The following SATB2 variants were observed in gnomAD, a reference collection of about 807,000 sequenced individuals.
The protein encoded by SATB2 is SATB homeobox 2, also known as DNA-binding protein SATB2.
A neutral mutation model predicts 73.4 loss-of-function variants in SATB2; 1 was observed. The observed-to-expected ratio is 0.01, with a 90% CI of 0.00 to 0.06. The LOEUF is 0.06. Ranked by LOEUF, SATB2 falls within the 10% of genes least tolerant of loss-of-function variation. SATB2 has a pLI of 1.00. For synonymous variants in SATB2, 397 were observed against 367.0 expected, an observed-to-expected ratio of 1.08 and a Z score of -0.93; for missense variants, 459 against 945.8, an observed-to-expected ratio of 0.49 and a Z score of 6.75.
chr2:199,401,890 T>C (rs1690490909), intron 3 of SATB2, among the ~76,000 whole-genome samples: 1 of 152,162 alleles, frequency 6.6e-6, no homozygotes, highest in Non-Finnish European at 1.5e-5. Context: ...TTTAGGCAGA[T>C]AAATGGCATT....
rs1687504472 is a variant in SATB2 at position 199,308,596 on chromosome 2, A to AC, written c.1740+163dup. Among the ~76,000 whole-genome samples the AC allele has an allele frequency of 6.6e-6, 1 of 152,006 alleles. No individual in the cohort carries two copies. The highest frequency in any genetic ancestry group is 1.5e-5 in the Non-Finnish European group (1 of 68,000). ...CATGCACACACACACACATACACATACACACAGTACCCACTGTGACGACAG... is the reference window on the plus strand; with the variant it reads ...CATGCACACACACACACATACACATACCACACAGTACCCACTGTGACGACAG... On this transcript the variant is annotated intron_variant, in intron 10 of 10. Transcript: ENST00000417098. The surrounding 1 kb of genome is among the most constrained non-coding windows in gnomAD (Gnocchi z 4.6).
chr2:199,319,962 T>C (rs927954599), intron 9 of SATB2, among the ~76,000 whole-genome samples: 4 of 152,074 alleles, frequency 2.6e-5, no homozygotes, highest in African/African-American at 4.8e-5. Context: ...CCGCAGAAGA[T>C]GTGCCCACAG....
upstream of SATB2, chr2:199,460,647 ATT>A (rs1692455183): frequency 6.6e-6 from 1 of 152,332 alleles, no homozygotes; most frequent in Non-Finnish European, 1.5e-5. This position sits in a 1 kb window ranked among gnomAD's most constrained non-coding sequence, Gnocchi z 4.0. Context: ...TTAATGAGCT[ATT>A]TTATAAACAC....
At chr2:199,348,420 T>C (rs1057089307) in intron 7 of SATB2, 1 of 400,680 alleles carries the variant, frequency 2.5e-6, no homozygotes, top group Non-Finnish European at 4.5e-6. Context: ...ATGGAGAGGA[T>C]GAGAGAGTAC....
At position 199,305,620 on chromosome 2, in the gene SATB2, C is replaced by G. The variant is rs371170239; in HGVS notation, c.1740+3140G>C. Among the ~76,000 whole-genome samples, 6 of 152,208 alleles carry G rather than the reference C, an allele frequency of 3.9e-5. No homozygotes were observed. The East Asian group carries it at 1.2e-3, about 29-fold the overall frequency. On this transcript the variant is annotated intron_variant, in intron 10 of 10. Coordinates refer to ENST00000417098, the MANE Select transcript of SATB2 (RefSeq NM_001172509.2). ...TGCACACAAACAGCAAGAAAAAGTT[C>G]CTCTCTTCTTAAGAAGAGAGGCTGT...
chr2:199,303,995 C>T (rs1234971079), intron 10 of SATB2, among the ~76,000 whole-genome samples: 1 of 152,194 alleles, frequency 6.6e-6, no homozygotes, highest in East Asian at 1.9e-4. Context: ...AACAATTTGG[C>T]AAGTGCTCCC....
chr2:199,333,103 C>T (rs550607708), intron 7 of SATB2, among the ~76,000 whole-genome samples: 2 of 151,944 alleles, frequency 1.3e-5, no homozygotes, highest in Non-Finnish European at 1.5e-5. Context: ...CCCCTAAATC[C>T]ATTATCTCCC....
intron 2 of SATB2, among the ~76,000 whole-genome samples, chr2:199,453,381 A>G (rs1692185052): frequency 6.6e-6 from 1 of 152,036 alleles, no homozygotes; most frequent in Admixed American, 6.5e-5. Context: ...AAAGACTGCA[A>G]TATATCTGAA....
At chr2:199,281,604 ACTATATATAAAATAT>A (rs1480870600) in intron 10 of SATB2, among the ~76,000 whole-genome samples, 5 of 152,274 alleles carry the variant, frequency 3.3e-5, no homozygotes, top group Admixed American at 2.0e-4. Flanking sequence ...TTTTAAATGG[ACTATATATAAAATAT>A]CATGTAATTG....
intron 10 of SATB2, among the ~76,000 whole-genome samples, chr2:199,278,700 G>A (rs941187979): frequency 3.9e-5 from 6 of 152,160 alleles, no homozygotes; most frequent in Non-Finnish European, 8.8e-5. Flanking sequence ...GAAAAATTCA[G>A]TTTGTAATAT....
intron 5 of SATB2, among the ~76,000 whole-genome samples, chr2:199,369,731 AAAGT>A (rs1689387743): frequency 6.6e-6 from 1 of 152,212 alleles, no homozygotes; most frequent in Non-Finnish European, 1.5e-5. Context: ...ACATTTCTAC[AAAGT>A]AATAGAGATA....
chr2:199,308,991 C>CAGAGT lies in SATB2; in HGVS notation c.1543-39_1543-35dup, dbSNP rs1429234628. 1.1e-5 allele frequency: 18 copies of CAGAGT among 1,580,386 alleles called. No individual in the cohort carries two copies. Among genetic ancestry groups the CAGAGT allele is most frequent in the Non-Finnish European group, 1.4e-5 (16 of 1,150,906 alleles). On this transcript the variant is annotated intron_variant, in intron 9 of 10. Coordinates refer to ENST00000417098, the MANE Select transcript of SATB2 (RefSeq NM_001172509.2). The surrounding 1 kb of genome is among the most constrained non-coding windows in gnomAD (Gnocchi z 4.6). ...AGAGGAGGTCGCTTGCATTAACCTG[C>CAGAGT]AGAGTGTAGAGGAGCTGAGGGGGCC...
intron 6 of SATB2, among the ~76,000 whole-genome samples, chr2:199,361,988 C>T (rs576008554): frequency 1.2e-3 from 175 of 151,922 alleles, no homozygotes; most frequent in African/African-American, 4.0e-3. Context: ...CCACCCGCCT[C>T]GGCCTCCCAA....
upstream of SATB2, among the ~76,000 whole-genome samples, chr2:199,466,737 T>C (rs1027713405): frequency 2.0e-5 from 3 of 152,242 alleles, no homozygotes; most frequent in African/African-American, 7.2e-5. Context: ...TTCCCTGCTA[T>C]GGCATATTTT....
At chr2:199,390,998 T>C (rs894068257) in intron 3 of SATB2, among the ~76,000 whole-genome samples, 1 of 152,228 alleles carries the variant, frequency 6.6e-6, no homozygotes, top group Non-Finnish European at 1.5e-5. Context: ...CGTATATTCA[T>C]TTATGTTGTA....
In SATB2 at chr2:199,441,113, C is replaced by A. The variant is rs140831584; in HGVS notation, c.170-7599G>T. On this transcript the variant is annotated intron_variant, in intron 2 of 10. Coordinates refer to ENST00000417098, the MANE Select transcript of SATB2 (RefSeq NM_001172509.2). ...CCGCCTGCCTCGACCTCCCAAAGCG[C>A]TGGGATTATAGGTGTGAGCCACCTT... Among the ~76,000 whole-genome samples the A allele has an allele frequency of 1.5e-3, 222 of 152,216 alleles. 1 individual carries two copies. Among genetic ancestry groups the A allele is most frequent in the African/African-American group, 5.0e-3 (208 of 41,534 alleles).
intron 10 of SATB2, among the ~76,000 whole-genome samples, chr2:199,306,142 C>T (rs902014992): frequency 1.6e-4 from 25 of 152,142 alleles, no homozygotes; most frequent in Admixed American, 1.4e-3. Context: ...CAATTACAGA[C>T]CTTTTTATAG....
intron 10 of SATB2, among the ~76,000 whole-genome samples, chr2:199,291,213 TG>T (rs1193648963): frequency 1.3e-5 from 2 of 152,240 alleles, no homozygotes; most frequent in Non-Finnish European, 2.9e-5. Flanking sequence ...TATATTTTTT[TG>T]CCCCCACTTT....
At chr2:199,417,050 A>G (rs1323454513) in intron 3 of SATB2, among the ~76,000 whole-genome samples, 20 of 147,966 alleles carry the variant, frequency 1.4e-4, no homozygotes, top group African/African-American at 4.9e-4. Context: ...ACACACACAC[A>G]CACACACACA....
Sources: gnomAD v4.1 joint callset for allele counts (sites outside exome capture counted in the v4.1 genomes callset) on GRCh38, gnomAD v4.1.1 for gene constraint, Gnocchi (gnomAD v3.1) non-coding constraint, MANE v1.5 for transcripts, NCBI Gene and HGNC (gene_info 2026-07-23, HGNC 2026-07-21) for gene names.